Variants in EXOC4 observed in about 807,000 individuals in gnomAD.
EXOC4 encodes the protein exocyst complex component 4.
In EXOC4, 71 loss-of-function variants were observed where a neutral mutation model predicts 107.2. The ratio of observed to expected loss-of-function variants is 0.66; its 90% CI spans 0.55 to 0.81. EXOC4 has a LOEUF of 0.81. Among genes scored for constraint, EXOC4 ranks in the 30% least tolerant of loss-of-function variants. EXOC4 has a pLI of 0.00. For missense variants in EXOC4, 1,108 were observed against 1,189.6 expected (o/e 0.93, Z 1.01); for synonymous variants, 456 against 441.2 (o/e 1.03, Z -0.42).
In EXOC4 at chr7:133,448,578, T is replaced by TGA. The variant is rs2150804283; in HGVS notation, c.1183-26749_1183-26748insAG. ...CCACTTCACCCATCCCCAAGTGCTG[T>TGA]GGTTATAGGCATGAGGCACCATGCC... On this transcript the variant is annotated intron_variant, in intron 7 of 17. Coordinates refer to ENST00000253861, the MANE Select transcript of EXOC4 (RefSeq NM_021807.4). 2.0e-5 allele frequency among the ~76,000 whole-genome samples: 3 copies of TGA among 152,230 alleles called. No individual in the cohort carries two copies. In the South Asian group the frequency reaches 6.2e-4, roughly 32 times the overall value.
At chr7:133,327,287 G>A (rs567450514) in intron 5 of EXOC4, among the ~76,000 whole-genome samples, 4 of 152,296 alleles carry the variant, frequency 2.6e-5, no homozygotes, top group South Asian at 2.1e-4. Context: ...GAAATCACCC[G>A]TCTTCTGCGT....
At chr7:133,741,957 A>G (rs1381762548) in intron 10 of EXOC4, among the ~76,000 whole-genome samples, 1 of 152,204 alleles carries the variant, frequency 6.6e-6, no homozygotes, top group East Asian at 1.9e-4. Context: ...TTATTTTAAT[A>G]GAAATCCATT....
At chr7:133,293,584 A>T (rs889187991) in intron 3 of EXOC4, among the ~76,000 whole-genome samples, 1 of 152,184 alleles carries the variant, frequency 6.6e-6, no homozygotes, top group Admixed American at 6.5e-5. Flanking sequence ...CTCCATGGTG[A>T]CCCATTGCTC....
intron 10 of EXOC4, among the ~76,000 whole-genome samples, chr7:133,689,655 G>C (rs1408376936): frequency 6.6e-6 from 1 of 152,186 alleles, no homozygotes; most frequent in Admixed American, 6.5e-5. Flanking sequence ...AATTTGATCA[G>C]ATATTCAGGG....
At chr7:133,921,070 A>G (rs1436722233) in intron 13 of EXOC4, among the ~76,000 whole-genome samples, 2 of 152,184 alleles carry the variant, frequency 1.3e-5, no homozygotes, top group African/African-American at 4.8e-5. Flanking sequence ...ACCATCCACC[A>G]TTTGCCAGCT....
intron 7 of EXOC4, among the ~76,000 whole-genome samples, chr7:133,383,997 T>C (rs1796673283): frequency 6.6e-6 from 1 of 152,144 alleles, no homozygotes; most frequent in African/African-American, 2.4e-5. Flanking sequence ...AAAAATCTTC[T>C]AAATTCGAGT....
rs541423469 is a variant in EXOC4 at position 133,723,943 on chromosome 7, T to C, written c.1515-93382T>C. On this transcript the variant is annotated intron_variant, in intron 10 of 17. Coordinates refer to ENST00000253861, the MANE Select transcript of EXOC4 (RefSeq NM_021807.4). ...CCCAACTGAGAATATTATCTTGATC[T>C]ACTAAATAAATAGATTTTATTTCCA... 2.0e-5 allele frequency among the ~76,000 whole-genome samples: 3 copies of C among 152,256 alleles called. No homozygotes were observed. In the South Asian group the frequency reaches 6.2e-4, roughly 32 times the overall value.
intron 5 of EXOC4, among the ~76,000 whole-genome samples, chr7:133,346,460 T>A (rs1795785695): frequency 6.6e-6 from 1 of 152,240 alleles, no homozygotes; most frequent in African/African-American, 2.4e-5. Context: ...TTTACATTTT[T>A]AAATTTAATT....
At position 133,347,538 on chromosome 7, in the gene EXOC4, A is replaced by G. The variant is rs930577493; in HGVS notation, c.764-8792A>G. On this transcript the variant is annotated intron_variant, in intron 5 of 17. Coordinates refer to ENST00000253861, the MANE Select transcript of EXOC4 (RefSeq NM_021807.4). ...ATTACAGGCGTGAGCCACCACACCC[A>G]GCCTGTAAACTATACTTAGTGGAAT... is the stretch of plus-strand genomic sequence containing the variant. Among the ~76,000 whole-genome samples, 4 of 152,170 alleles carry G rather than the reference A, an allele frequency of 2.6e-5. 1 individual carries two copies. Among genetic ancestry groups the G allele is most frequent in the Admixed American group, 2.6e-4 (4 of 15,280 alleles).
chr7:133,902,867 A>G (rs1356523874), intron 12 of EXOC4, among the ~76,000 whole-genome samples: 1 of 44,154 alleles, frequency 2.3e-5, no homozygotes, highest in African/African-American at 2.0e-4. Flanking sequence ...AAAACAAAAC[A>G]AAAAAAAAAA....
At chr7:133,798,788 G>A (rs938928169) in intron 10 of EXOC4, among the ~76,000 whole-genome samples, 1 of 151,884 alleles carries the variant, frequency 6.6e-6, no homozygotes, top group African/African-American at 2.4e-5. Context: ...CCATGAGAAA[G>A]ACAAAAAAAA....
intron 9 of EXOC4, among the ~76,000 whole-genome samples, chr7:133,625,702 T>G (rs1012871956): frequency 7.9e-5 from 12 of 152,224 alleles, no homozygotes; most frequent in Admixed American, 3.3e-4. Flanking sequence ...TGGTGCCTGT[T>G]GCCAGCTGCC....
chr7:133,401,172 C>T (rs1207408457), intron 7 of EXOC4, among the ~76,000 whole-genome samples: 1 of 142,006 alleles, frequency 7.0e-6, no homozygotes, highest in Non-Finnish European at 1.6e-5. Context: ...TTCCAGAGCC[C>T]ACTTTTTTTT....
At chr7:133,683,622 G>C (rs959163170) in intron 10 of EXOC4, among the ~76,000 whole-genome samples, 1 of 151,926 alleles carries the variant, frequency 6.6e-6, no homozygotes, top group Admixed American at 6.6e-5. Flanking sequence ...TAAAGCCCCC[G>C]TTTAAAAGCT....
intron 7 of EXOC4, among the ~76,000 whole-genome samples, chr7:133,406,290 G>A (rs551884177): frequency 6.6e-6 from 1 of 152,236 alleles, no homozygotes; most frequent in South Asian, 2.1e-4. Context: ...ATCCATGGGC[G>A]ATTGTGGAAT....
chr7:134,052,445 C>T (rs1795819112), intron 17 of EXOC4, among the ~76,000 whole-genome samples: 1 of 151,476 alleles, frequency 6.6e-6, no homozygotes, highest in African/African-American at 2.4e-5. Flanking sequence ...AGAAAAGAAA[C>T]CCCTCTTCTT....
chr7:133,258,959 A>G (rs1015483028), intron 1 of EXOC4, among the ~76,000 whole-genome samples: 1 of 152,154 alleles, frequency 6.6e-6, no homozygotes, highest in African/African-American at 2.4e-5. Context: ...CAAGGGCCCA[A>G]TACTCTGTTG....
In EXOC4 at chr7:133,464,822, T is replaced by G. The variant is rs1436004818; in HGVS notation, c.1183-10506T>G. On this transcript the variant is annotated intron_variant, in intron 7 of 17. Transcript: ENST00000253861. ...TGTTGGTTGGGTTGGTTTTTTTTTTTTTTTTTTTTTTTTTGGAGTTAGGGT... is the reference window on the plus strand; with the variant it reads ...TGTTGGTTGGGTTGGTTTTTTTTTTGTTTTTTTTTTTTTTGGAGTTAGGGT... 4.1e-5 allele frequency among the ~76,000 whole-genome samples: 5 copies of G among 121,916 alleles called. No individual in the cohort carries two copies. In the South Asian group the frequency reaches 9.3e-4, roughly 23 times the overall value. 80.0% of individuals were successfully genotyped at this position (121,916 alleles called of 152,430 possible).
chr7:133,983,633 T>C (rs1400386481), intron 14 of EXOC4, among the ~76,000 whole-genome samples: 1 of 151,820 alleles, frequency 6.6e-6, no homozygotes, highest in East Asian at 1.9e-4. Flanking sequence ...AGGATCCTGT[T>C]TGAACACATA....
Sources: allele counts gnomAD v4.1 joint callset (sites outside exome capture counted in the v4.1 genomes callset), GRCh38; gene constraint gnomAD v4.1.1; transcripts MANE v1.5; gene names NCBI Gene and HGNC (gene_info 2026-07-23, HGNC 2026-07-21).